Variants in ADAMTS17 observed in about 807,000 individuals in gnomAD.
ADAMTS17 encodes the protein A disintegrin and metalloproteinase with thrombospondin motifs 17.
ADAMTS17 carries 113 observed loss-of-function variants against 141.5 expected under a neutral mutation model. The observed-to-expected ratio is 0.80, with a 90% CI of 0.69 to 0.93. The LOEUF is 0.93. Ranked by LOEUF, ADAMTS17 falls within the 40% of genes least tolerant of loss-of-function variation. ADAMTS17 has a pLI of 0.00. For missense variants in ADAMTS17, 1,659 were observed against 1,517.9 expected (o/e 1.09, Z -1.54); for synonymous variants, 768 against 630.6 (o/e 1.22, Z -3.27).
intron 13 of ADAMTS17, among the ~76,000 whole-genome samples, chr15:100,109,397 G>T (rs564296490): frequency 2.0e-5 from 3 of 151,424 alleles, no homozygotes; most frequent in Non-Finnish European, 4.4e-5. Context: ...AACTATACCC[G>T]GTGAACAAAG....
At chr15:100,232,587 C>G (rs558439427) in intron 7 of ADAMTS17, among the ~76,000 whole-genome samples, 7 of 152,194 alleles carry the variant, frequency 4.6e-5, no homozygotes, top group Non-Finnish European at 7.3e-5. Context: ...TTGATGGCAA[C>G]GAAGGTCTCA....
Position 100,341,849 on chromosome 15 carries a change from C to T in ADAMTS17, c.51G>A (p.Leu17=). 1 of 1,553,102 alleles carries T rather than the reference C, an allele frequency of 6.4e-7. No homozygotes were observed. The highest frequency in any genetic ancestry group is 8.7e-7 in the Non-Finnish European group (1 of 1,148,292). Reference sequence around the variant, plus strand: ...TGCCCGGGTCCAGTCCCCAAACCAGCAGCAGCAGCACGGGCAGGACGAGCG... The same window carrying T: ...TGCCCGGGTCCAGTCCCCAAACCAGTAGCAGCAGCACGGGCAGGACGAGCG... ...LPPLVLPVLL[L]LVWGLDPGTA... The change falls in exon 1 of 22, where the codon CTG becomes CTA. Residue 17 remains leucine, a synonymous_variant. Coordinates refer to ENST00000268070, the MANE Select transcript of ADAMTS17 (RefSeq NM_139057.4).
At chr15:100,287,099 A>C (rs2044471901) in intron 3 of ADAMTS17, among the ~76,000 whole-genome samples, 1 of 152,140 alleles carries the variant, frequency 6.6e-6, no homozygotes, top group African/African-American at 2.4e-5. Context: ...GAGGTGGGAG[A>C]ATCACTTGAA....
At chr15:100,210,839 C>A (rs558674122) in intron 7 of ADAMTS17, among the ~76,000 whole-genome samples, 22 of 152,230 alleles carry the variant, frequency 1.4e-4, no homozygotes, top group Admixed American at 1.4e-3. Flanking sequence ...CGGTGGCTCA[C>A]GCCTGTAATC....
At chr15:100,216,045 G>A (rs1021399754) in intron 7 of ADAMTS17, among the ~76,000 whole-genome samples, 1 of 152,186 alleles carries the variant, frequency 6.6e-6, no homozygotes, top group Admixed American at 6.5e-5. Context: ...GGTGAGAAGG[G>A]CAGGCTCTGG....
intron 15 of ADAMTS17, among the ~76,000 whole-genome samples, chr15:100,090,636 A>C (rs138450898): frequency 3.9e-5 from 6 of 152,340 alleles, no homozygotes; most frequent in African/African-American, 1.4e-4. Flanking sequence ...GCCCACCCTC[A>C]GGTGACCTCT....
chr15:100,309,245 T>C (rs933235160), intron 3 of ADAMTS17, among the ~76,000 whole-genome samples: 1 of 152,196 alleles, frequency 6.6e-6, no homozygotes, highest in Non-Finnish European at 1.5e-5. Context: ...ACCCAGGTAC[T>C]CGGAGGCATG....
intron 15 of ADAMTS17, among the ~76,000 whole-genome samples, chr15:100,060,373 C>G (rs147209505): frequency 4.6e-5 from 7 of 152,156 alleles, no homozygotes; most frequent in African/African-American, 1.7e-4. Flanking sequence ...ACATGCAGAA[C>G]GTCCATTTCG....
intron 21 of ADAMTS17, among the ~76,000 whole-genome samples, chr15:99,975,817 C>T (rs115000313): frequency 3.5e-4 from 53 of 152,318 alleles, no homozygotes; most frequent in African/African-American, 9.4e-4. Context: ...GTGAGGGAGA[C>T]GCTCAGGTGC....
At chr15:100,323,404 G>A (rs926741734) in intron 3 of ADAMTS17, among the ~76,000 whole-genome samples, 1 of 152,116 alleles carries the variant, frequency 6.6e-6, no homozygotes. Flanking sequence ...TGCCTCTTTA[G>A]GGAAAAGGTA....
chr15:100,216,159 G>A (rs1333346686), intron 7 of ADAMTS17, among the ~76,000 whole-genome samples: 1 of 152,202 alleles, frequency 6.6e-6, no homozygotes, highest in Non-Finnish European at 1.5e-5. Flanking sequence ...AAGATGAGAT[G>A]AACACCTACC....
At chr15:100,211,440 G>A (rs1229824362) in intron 7 of ADAMTS17, among the ~76,000 whole-genome samples, 2 of 152,144 alleles carry the variant, frequency 1.3e-5, no homozygotes, top group South Asian at 2.1e-4. Context: ...GGAGATGAAT[G>A]AATTAAACTC....
intron 18 of ADAMTS17, among the ~76,000 whole-genome samples, chr15:100,021,569 C>T (rs1278965454): frequency 6.6e-6 from 1 of 152,224 alleles, no homozygotes; most frequent in African/African-American, 2.4e-5. Context: ...CTCCCTAGTA[C>T]CTAATGCCTT....
At chr15:100,262,323 T>C (rs756081282) in intron 5 of ADAMTS17, 29 bp downstream of exon 5, 7 of 1,604,350 alleles carry the variant, frequency 4.4e-6, no homozygotes, top group Non-Finnish European at 6.0e-6. Flanking sequence ...CATTTTCTGC[T>C]TGCTTGAAAG....
intron 16 of ADAMTS17, among the ~76,000 whole-genome samples, chr15:100,052,876 C>T (rs944464546): frequency 2.6e-5 from 4 of 152,192 alleles, no homozygotes; most frequent in Non-Finnish European, 4.4e-5. Flanking sequence ...ACCTTTGTCT[C>T]CCCAGAAATT....
In ADAMTS17 at chr15:100,341,322, G is replaced by T; in HGVS notation, c.167C>A (p.Ala56Asp). Residue 56 changes from alanine (A) to aspartate (D), a missense_variant, in exon 2 of 22, where the codon GCC becomes GAC. Ala to Asp is a moderately radical substitution (Grantham distance 126). Transcript: ENST00000268070. Reference sequence around the variant, plus strand: ...GCGTCGCCGCCGTCGGGGCCCGGGGGCTGCGGGCAGCGGCGGCAGGTGCAC... The same window carrying T: ...GCGTCGCCGCCGTCGGGGCCCGGGGTCTGCGGGCAGCGGCGGCAGGTGCAC... ...DDVHLPPLPA[A>D]PGPRRRRRPR... 1.9e-6 allele frequency: 2 copies of T among 1,031,672 alleles called. No homozygotes were observed. The highest frequency in any genetic ancestry group is 2.3e-6 in the Non-Finnish European group (2 of 862,366). 63.9% of individuals were successfully genotyped at this position (1,031,672 alleles called of 1,614,324 possible). A position where few individuals can be genotyped will look rare whatever the true frequency, so the allele number is the denominator to read the frequency against.
intron 4 of ADAMTS17, among the ~76,000 whole-genome samples, chr15:100,270,268 G>T (rs745997427): frequency 8.5e-5 from 13 of 152,144 alleles, no homozygotes; most frequent in Non-Finnish European, 1.6e-4. Context: ...TCTTGGTGCA[G>T]TTTTTCTTTT....
chr15:100,328,055 T>A (rs750480122), intron 3 of ADAMTS17, among the ~76,000 whole-genome samples: 31 of 152,150 alleles, frequency 2.0e-4, no homozygotes, highest in Non-Finnish European at 4.0e-4. Context: ...AAGGCTACTC[T>A]CAGACCATGT....
At chr15:100,199,602 A>G (rs999437787) in intron 7 of ADAMTS17, among the ~76,000 whole-genome samples, 179 bp from the exon 8 acceptor site, 8 of 152,124 alleles carry the variant, frequency 5.3e-5, no homozygotes, top group Non-Finnish European at 8.8e-5. Flanking sequence ...TCACCCAATA[A>G]AACAATAACC....
Sources: allele counts gnomAD v4.1 joint callset (sites outside exome capture counted in the v4.1 genomes callset), GRCh38; gene constraint gnomAD v4.1.1; transcripts MANE v1.5; gene names NCBI Gene and HGNC (gene_info 2026-07-23, HGNC 2026-07-21).